Variants in PLXNA4 observed in about 807,000 individuals in gnomAD.
PLXNA4 encodes the protein plexin A4.
A neutral mutation model predicts 191.8 loss-of-function variants in PLXNA4; 44 were observed. That is an observed-to-expected ratio of 0.23 (90% CI 0.18 to 0.29). The LOEUF (loss-of-function observed/expected upper bound fraction) is 0.29. Ranked by LOEUF, PLXNA4 falls within the 10% of genes least tolerant of loss-of-function variation. The pLI is 1.00. For synonymous variants in PLXNA4, 1,082 were observed against 1,009.5 expected (o/e 1.07, Z -1.36); for missense variants, 1,800 against 2,488.8 (o/e 0.72, Z 5.89).
chr7:132,535,857 T>A (rs545267779), intron 1 of PLXNA4, among the ~76,000 whole-genome samples: 16 of 152,244 alleles, frequency 1.1e-4, no homozygotes, highest in African/African-American at 3.6e-4. Flanking sequence ...TTGACCCCCA[T>A]CATCTCCATT....
rs151169620 is a variant in PLXNA4, at chr7:132,573,048, C to T, written c.-87+3374G>A. On this transcript the variant is annotated intron_variant, in intron 1 of 31. Coordinates refer to ENST00000321063, the MANE Select transcript of PLXNA4 (RefSeq NM_020911.2). ...GAGGGCGAATGGGCTGGCGGATGTG[C>T]GCACAAAGCCAAGAGGTAGATTAGC... Among the ~76,000 whole-genome samples the T allele has an allele frequency of 8.3e-5, 12 of 144,458 alleles. No homozygotes were observed. In the East Asian group the frequency reaches 2.2e-3, roughly 27 times the overall value. 94.8% of individuals were successfully genotyped at this position (144,458 alleles called of 152,430 possible).
intron 9 of PLXNA4, among the ~76,000 whole-genome samples, chr7:132,213,058 G>A (rs1043905331): frequency 6.6e-6 from 1 of 152,204 alleles, no homozygotes; most frequent in South Asian, 2.1e-4. Context: ...TCATACAATG[G>A]AATATTACTC....
chr7:132,648,323 T>C (rs1803925341), intron 1 of PLXNA4, among the ~76,000 whole-genome samples: 1 of 152,176 alleles, frequency 6.6e-6, no homozygotes, highest in South Asian at 2.1e-4. Context: ...AACCTTCCCT[T>C]TTTCCAACTC....
intron 3 of PLXNA4, among the ~76,000 whole-genome samples, chr7:132,327,042 G>C (rs897202813): frequency 6.7e-6 from 1 of 150,238 alleles, no homozygotes; most frequent in Non-Finnish European, 1.5e-5. Context: ...AGAAAAGAGG[G>C]AGGGAGAGAA....
At position 132,489,400 on chromosome 7, in the gene PLXNA4, T is replaced by C. The variant is rs750722180; in HGVS notation, c.1263A>G (p.Gly421=). ...APLGVSDMVR[G]IPVFTEDRDR... is the part of the protein sequence containing the mutation. ...CCCTGTCCTCCGTGAAGACGGGAATTCCACGCACCATGTCGGACACTCCCA... is the reference window on the plus strand; with the variant it reads ...CCCTGTCCTCCGTGAAGACGGGAATCCCACGCACCATGTCGGACACTCCCA... Residue 421 remains glycine (G), a synonymous_variant, in exon 3 of 32, where the codon GGA becomes GGG. Coordinates refer to ENST00000321063, the MANE Select transcript of PLXNA4 (RefSeq NM_020911.2). The C allele has an allele frequency of 5.0e-6, 8 of 1,606,060 alleles. No individual in the cohort carries two copies. The highest frequency in any genetic ancestry group is 6.0e-6 in the Non-Finnish European group (7 of 1,173,148).
intron 3 of PLXNA4, among the ~76,000 whole-genome samples, chr7:132,464,077 A>C (rs1796611021): frequency 6.6e-6 from 1 of 152,244 alleles, no homozygotes; most frequent in Non-Finnish European, 1.5e-5. Context: ...CAATGTTACT[A>C]GGACACAGTT....
chr7:132,155,375 T>C (rs1795761093), intron 25 of PLXNA4, among the ~76,000 whole-genome samples: 1 of 151,674 alleles, frequency 6.6e-6, no homozygotes, highest in South Asian at 2.1e-4. Context: ...CCTTGAGGAG[T>C]GAAGGGAGGA....
At chr7:132,429,469 A>G (rs550425630) in intron 3 of PLXNA4, among the ~76,000 whole-genome samples, 100 of 152,326 alleles carry the variant, frequency 6.6e-4, no homozygotes, top group South Asian at 1.2e-3. Context: ...CCATCACACC[A>G]CGAAAGCAGG....
At chr7:132,483,630 T>C (rs778430830) in intron 3 of PLXNA4, among the ~76,000 whole-genome samples, 4 of 152,224 alleles carry the variant, frequency 2.6e-5, no homozygotes, top group Non-Finnish European at 5.9e-5. Context: ...TTTCTTCAAT[T>C]TTAATGTGTT....
chr7:132,495,791 T>G (rs1451235623), intron 2 of PLXNA4, among the ~76,000 whole-genome samples: 1 of 152,216 alleles, frequency 6.6e-6, no homozygotes, highest in African/African-American at 2.4e-5. Flanking sequence ...AACTGGATCT[T>G]TAGACCAACC....
At chr7:132,521,487 G>A (rs1192107751) in intron 1 of PLXNA4, among the ~76,000 whole-genome samples, 8 of 152,110 alleles carry the variant, frequency 5.3e-5, no homozygotes, top group Non-Finnish European at 1.0e-4. Flanking sequence ...CCCAGTCTCC[G>A]AGTCATCCTG....
At chr7:132,210,462 C>T (rs1797761139) in intron 10 of PLXNA4, among the ~76,000 whole-genome samples, 1 of 152,228 alleles carries the variant, frequency 6.6e-6, no homozygotes, top group South Asian at 2.1e-4. Context: ...TTGTTATTTC[C>T]TCCTGCCAAT....
intron 3 of PLXNA4, among the ~76,000 whole-genome samples, chr7:132,479,741 C>T (rs1434439427): frequency 6.6e-6 from 1 of 152,208 alleles, no homozygotes; most frequent in East Asian, 1.9e-4. Flanking sequence ...CCTCTGCCTC[C>T]TGGGTTCAAG....
In PLXNA4 at chr7:132,187,488, C is replaced by A; in HGVS notation, c.2976G>T (p.Gln992His). The A allele has an allele frequency of 6.2e-7, 1 of 1,613,836 alleles. No homozygotes were observed. ...TGAGTTACCTGTGGAAGAGACAGGG[C>A]TGCTTTCCAAACATCACCACCACGT... ...GSNVVVMFGK[Q>H]PCLFHRRSPS... Residue 992 changes from glutamine to histidine, a missense_variant, in exon 15 of 32, where the codon CAG becomes CAT. By Grantham distance (24) the Gln-to-His change is conservative (BLOSUM62 0). This residue lies in a region of PLXNA4 where 1,397 missense variants were observed against 1,880.4 expected (regional missense o/e 0.74). Transcript: ENST00000321063.
At chr7:132,180,060 G>T in intron 19 of PLXNA4, 139 bp from the exon 20 acceptor site, 2 of 1,401,630 alleles carry the variant, frequency 1.4e-6, no homozygotes, top group Non-Finnish European at 1.9e-6. Flanking sequence ...TAGACAAGAG[G>T]GCATGGGGGG....
At chr7:132,514,342 T>C (rs765854643) in intron 1 of PLXNA4, among the ~76,000 whole-genome samples, 2 of 152,188 alleles carry the variant, frequency 1.3e-5, no homozygotes, top group Non-Finnish European at 2.9e-5. Context: ...TGAGCCACTG[T>C]GCCTGGCCGG....
At chr7:132,506,474 A>G (rs1360174854) in intron 2 of PLXNA4, among the ~76,000 whole-genome samples, 6 of 152,240 alleles carry the variant, frequency 3.9e-5, no homozygotes, top group African/African-American at 1.4e-4. Flanking sequence ...TGATGTTCTC[A>G]GACTAGGTTC....
intron 20 of PLXNA4, among the ~76,000 whole-genome samples, chr7:132,176,943 C>T (rs538911532): frequency 5.3e-5 from 8 of 151,246 alleles, no homozygotes; most frequent in Admixed American, 2.0e-4. Flanking sequence ...TGTGTGTGCA[C>T]GCCTGCAAGT....
At chr7:132,328,802 A>G (rs1297215365) in intron 3 of PLXNA4, among the ~76,000 whole-genome samples, 1 of 152,086 alleles carries the variant, frequency 6.6e-6, no homozygotes, top group Non-Finnish European at 1.5e-5. Flanking sequence ...CTCCCTCTGC[A>G]CCGCAGGTGC....
Sources: gnomAD v4.1 joint callset for allele counts (sites outside exome capture counted in the v4.1 genomes callset) on GRCh38, gnomAD v4.1.1 for gene constraint, gnomAD v4.1.1 regional missense constraint, MANE v1.5 for transcripts, NCBI Gene and HGNC (gene_info 2026-07-23, HGNC 2026-07-21) for gene names.